ADAMTS6: variants seen among roughly 807,000 people sequenced by gnomAD.
ADAMTS6 encodes the protein A disintegrin and metalloproteinase with thrombospondin motifs 6.
Under a neutral mutation model 144.3 loss-of-function variants are expected in ADAMTS6, and 23 were observed. The ratio of observed to expected loss-of-function variants is 0.16; its 90% CI spans 0.11 to 0.23. The LOEUF is 0.23. ADAMTS6 is among the 10% of genes least tolerant of loss of function. The probability of loss-of-function intolerance (pLI) is 1.00; values close to 1 mark genes in which losing one functional copy is unlikely to be tolerated. For synonymous variants in ADAMTS6, 444 were observed against 457.5 expected (o/e 0.97, Z 0.38); for missense variants, 999 against 1,379.6 (o/e 0.72, Z 4.37).
Position 65,225,035 on chromosome 5 carries a change from C to G in ADAMTS6, c.2080G>C (p.Asp694His), listed in dbSNP as rs1757625039. 6.2e-7 allele frequency: 1 copy of G among 1,613,796 alleles called. No individual in the cohort carries two copies. Residue 694 changes from aspartate (D) to histidine (H), a missense_variant, in exon 17 of 25, where the codon GAT becomes CAT. Coordinates refer to ENST00000381055, the MANE Select transcript of ADAMTS6 (RefSeq NM_197941.4). ...CTAGCATCAGATCCCAAAATATTAT[C>G]ACAGCCTACGTGCTGAAAACAGAGA... Reference protein sequence around the residue: ...INGECKHVGCDNILGSDARED... With the variant: ...INGECKHVGCHNILGSDARED...
At position 65,148,957 on chromosome 5, in the gene ADAMTS6, T is replaced by G. The variant is rs1465164199; in HGVS notation, c.*2879A>C. The G allele has an allele frequency of 6.6e-6, 1 of 152,594 alleles. No homozygotes were observed. Among genetic ancestry groups the G allele is most frequent in the African/African-American group, 2.4e-5 (1 of 41,432 alleles). 9.5% of individuals were successfully genotyped at this position (152,594 alleles called of 1,614,324 possible). On this transcript the variant is annotated 3_prime_UTR_variant, in exon 25 of 25. Transcript: ENST00000381055. ...AACAGTGTACCACATTATTACTGAG[T>G]ATAAAATAATAAGCAACAACTAATC...
Position 65,471,139 on chromosome 5 carries a change from T to G in ADAMTS6, c.101A>C (p.Glu34Ala). The change falls in exon 3 of 25, where the codon GAA becomes GCA. Residue 34 changes from glutamate to alanine, a missense_variant. Around this residue, in one of 3 missense-constraint regions of ADAMTS6, gnomAD observed 252 missense variants for 293.7 expected, o/e 0.86. Transcript: ENST00000381055. ...GTAGTGTTCAAGATAAGTCAGGAAT[T>G]CCTCTTTGTAATCACAAGGCAGAGA... ...DHRLSYSSQEEFLTYLEHYQL... is the reference protein window; with the variant it reads ...DHRLSYSSQEAFLTYLEHYQL... 6.3e-7 allele frequency: 1 copy of G among 1,577,926 alleles called. No individual in the cohort carries two copies. Among genetic ancestry groups the G allele is most frequent in the Non-Finnish European group, 8.5e-7 (1 of 1,169,654 alleles).
chr5:65,178,395 G>T (rs1486499776), intron 22 of ADAMTS6, among the ~76,000 whole-genome samples: 1 of 152,206 alleles, frequency 6.6e-6, no homozygotes, highest in Non-Finnish European at 1.5e-5. Context: ...ATTTTGGTGG[G>T]TGACAGTTAA....
At chr5:65,449,090 A>G (rs1758525586) in intron 7 of ADAMTS6, among the ~76,000 whole-genome samples, 1 of 152,188 alleles carries the variant, frequency 6.6e-6, no homozygotes, top group Non-Finnish European at 1.5e-5. Flanking sequence ...AAGTCACTCT[A>G]TGGCCCTAGT....
chr5:65,308,046 T>C (rs6866187), intron 9 of ADAMTS6, among the ~76,000 whole-genome samples: 44,811 of 152,106 alleles, frequency 0.29, 6,802 homozygotes, highest in Admixed American at 0.37. Context: ...ACCAAACTAG[T>C]AAAGTTCTCA....
chr5:65,453,006 T>C, intron 4 of ADAMTS6, 88 bp from the exon 5 acceptor site: 1 of 973,616 alleles, frequency 1.0e-6, no homozygotes, highest in African/African-American at 1.7e-5. Context: ...TCTCACAAAT[T>C]CTCTAATATA....
Position 65,149,888 on chromosome 5 carries a change from G to C in ADAMTS6, c.*1948C>G, listed in dbSNP as rs975860150. ...GTCTTCTAAGGGCATCTTAGATCCG[G>C]GCCCTGGTGATTCCTCTTGTATCAT... On this transcript the variant is annotated 3_prime_UTR_variant, in exon 25 of 25. Coordinates refer to ENST00000381055, the MANE Select transcript of ADAMTS6 (RefSeq NM_197941.4). The C allele has an allele frequency of 3.9e-5, 6 of 152,640 alleles. No homozygotes were observed. The highest frequency in any genetic ancestry group is 7.2e-5 in the African/African-American group (3 of 41,438). The allele number at this position is 152,640 out of a possible 1,614,324, so 9.5% of individuals were successfully genotyped here. A position where few individuals can be genotyped will look rare whatever the true frequency, so the allele number is the denominator to read the frequency against.
Position 65,407,599 on chromosome 5 carries a change from T to A in ADAMTS6, c.1073+43876A>T, listed in dbSNP as rs1332032522. The stretch of plus-strand genomic sequence containing the variant: ...TGAGAACATGCGGTGTTTGGTTTTT[T>A]GTCCTTGCAATAGTTTGCTGAGAAT... On this transcript the variant is annotated intron_variant, in intron 7 of 24. Coordinates refer to ENST00000381055, the MANE Select transcript of ADAMTS6 (RefSeq NM_197941.4). Among the ~76,000 whole-genome samples the A allele has an allele frequency of 4.0e-5, 6 of 151,390 alleles. No individual in the cohort carries two copies. The East Asian group carries it at 1.2e-3, about 30-fold the overall frequency.
intron 14 of ADAMTS6, among the ~76,000 whole-genome samples, chr5:65,253,126 G>A (rs1049643876): frequency 1.3e-5 from 2 of 152,040 alleles, no homozygotes; most frequent in African/African-American, 4.8e-5. Flanking sequence ...GGGCTCAAGC[G>A]ATCCACCCGC....
intron 4 of ADAMTS6, among the ~76,000 whole-genome samples, chr5:65,458,156 T>C (rs1167349640): frequency 2.6e-5 from 4 of 152,234 alleles, no homozygotes; most frequent in Admixed American, 6.5e-5. Flanking sequence ...CCTTTTGTTT[T>C]AATTATTAAC....
At chr5:65,219,957 C>A (rs1402110666) in intron 18 of ADAMTS6, among the ~76,000 whole-genome samples, 1 of 152,062 alleles carries the variant, frequency 6.6e-6, no homozygotes, top group Non-Finnish European at 1.5e-5. Flanking sequence ...AATTCTTCAA[C>A]AAGAAGGCAG....
At chr5:65,395,081 G>A (rs1753225957) in intron 7 of ADAMTS6, among the ~76,000 whole-genome samples, 1 of 152,038 alleles carries the variant, frequency 6.6e-6, no homozygotes, top group Admixed American at 6.5e-5. Context: ...TGATTTGGGA[G>A]CCAAGATCTA....
At chr5:65,243,716 T>G (rs1274674294) in intron 14 of ADAMTS6, among the ~76,000 whole-genome samples, 3 of 152,156 alleles carry the variant, frequency 2.0e-5, no homozygotes, top group Non-Finnish European at 4.4e-5. Flanking sequence ...AATCCTTGAC[T>G]TTTCAAGCTA....
At chr5:65,216,152 A>G (rs531053297) in intron 18 of ADAMTS6, among the ~76,000 whole-genome samples, 2 of 152,336 alleles carry the variant, frequency 1.3e-5, no homozygotes, top group African/African-American at 4.8e-5. Context: ...TCATAGTAGC[A>G]CTATTTCCAG....
At chr5:65,245,913 T>C (rs568802029) in intron 14 of ADAMTS6, among the ~76,000 whole-genome samples, 2 of 152,272 alleles carry the variant, frequency 1.3e-5, no homozygotes, top group South Asian at 4.1e-4. Context: ...AACCCCGGTA[T>C]AGGGTGTTAA....
At chr5:65,321,147 A>G (rs1157552119) in intron 9 of ADAMTS6, among the ~76,000 whole-genome samples, 1 of 152,168 alleles carries the variant, frequency 6.6e-6, no homozygotes, top group African/African-American at 2.4e-5. Flanking sequence ...CAATGGCTGA[A>G]CTAATTTACA....
chr5:65,161,602 G>T (rs976575702), intron 24 of ADAMTS6, among the ~76,000 whole-genome samples: 6 of 151,882 alleles, frequency 4.0e-5, no homozygotes, highest in Middle Eastern at 3.4e-3. Context: ...AAATTTTTTT[G>T]AATTAAAAAA....
intron 7 of ADAMTS6, among the ~76,000 whole-genome samples, chr5:65,422,470 A>G (rs1323825132): frequency 6.6e-6 from 1 of 152,118 alleles, no homozygotes; most frequent in Non-Finnish European, 1.5e-5. Context: ...AAAAATACAA[A>G]AATTAGTTGG....
chr5:65,197,292 A>T, intron 20 of ADAMTS6, 141 bp from the exon 21 acceptor site: 1 of 708,286 alleles, frequency 1.4e-6, no homozygotes, highest in Non-Finnish European at 2.0e-6. Flanking sequence ...CTTCTCTAAA[A>T]TGGAGAGAAG....
Sources: allele counts gnomAD v4.1 joint callset (sites outside exome capture counted in the v4.1 genomes callset), GRCh38; gene constraint gnomAD v4.1.1; regional missense constraint gnomAD v4.1.1; transcripts MANE v1.5; gene names NCBI Gene and HGNC (gene_info 2026-07-23, HGNC 2026-07-21).